The following HYOU1 variants were observed in gnomAD, a reference collection of about 807,000 sequenced individuals.
HYOU1 encodes the protein hypoxia up-regulated 1.
A neutral mutation model predicts 120.5 loss-of-function variants in HYOU1; 40 were observed. The observed-to-expected ratio is 0.33, with a 90% CI of 0.26 to 0.43. HYOU1 has a LOEUF of 0.43. Ranked by LOEUF, HYOU1 falls within the 20% of genes least tolerant of loss-of-function variation. The probability of loss-of-function intolerance (pLI) is 1.00; values close to 1 mark genes in which losing one functional copy is unlikely to be tolerated. For missense variants in HYOU1, 1,085 were observed against 1,278.3 expected (o/e 0.85, Z 2.31); for synonymous variants, 501 against 479.4 (o/e 1.05, Z -0.59).
rs1389906591 is a variant in HYOU1 at position 119,045,927 on chromosome 11, A to T, written c.2888-96T>A. On this transcript the variant is annotated intron_variant, in intron 24 of 25. Transcript: ENST00000617285. Reference sequence around the variant, plus strand: ...TTCCATGAAGAGCCAGCTAGTAAATATTTTAGGATGCATGTACCACATTTG... The same window carrying T: ...TTCCATGAAGAGCCAGCTAGTAAATTTTTTAGGATGCATGTACCACATTTG... 7 of 1,192,488 alleles carry T rather than the reference A, an allele frequency of 5.9e-6. No individual in the cohort carries two copies. In the African/African-American group the frequency reaches 1.1e-4, roughly 18 times the overall value. 73.9% of individuals were successfully genotyped at this position (1,192,488 alleles called of 1,614,324 possible).
Position 119,049,190 on chromosome 11 carries a change from C to A in HYOU1, c.1820G>T (p.Ser607Ile). The A allele has an allele frequency of 6.3e-7, 1 of 1,596,770 alleles. No homozygotes were observed. Among genetic ancestry groups the A allele is most frequent in the South Asian group, 1.1e-5 (1 of 88,954 alleles). ...GTDTVQEEEESPAEGSKDEPG... is the reference protein window; with the variant it reads ...GTDTVQEEEEIPAEGSKDEPG... ...CTCGTCCTTGCTCCCCTCTGCAGGGCTCTCCTCTTCCTCCTGGGAAACACC... is the reference window on the plus strand; with the variant it reads ...CTCGTCCTTGCTCCCCTCTGCAGGGATCTCCTCTTCCTCCTGGGAAACACC... Residue 607 changes from serine (S) to isoleucine (I), a missense_variant, in exon 17 of 26, where the codon AGC (serine) becomes ATC (isoleucine). Ser to Ile is a moderately radical substitution (Grantham distance 142). Around this residue, in one of 4 missense-constraint regions of HYOU1, gnomAD observed 516 missense variants for 517.1 expected, o/e 1.00. Transcript: ENST00000617285.
rs2133595535 is a variant in HYOU1 at position 119,052,769 on chromosome 11, C to T, written c.855G>A (p.Gly285=). Residue 285 remains glycine (G), a synonymous_variant, in exon 9 of 26, where the codon GGG becomes GGA. Transcript: ENST00000617285. This position sits in a 1 kb window ranked among gnomAD's most constrained non-coding sequence, Gnocchi z 5.0. ...GACCCTTGCGCTGCTCATTGAAAAG[C>T]CCAGCCAGGCGTTCTCGAAGCCGGA... The part of the protein sequence containing the change: ...MELRLRERLA[G]LFNEQRKGQR... 3.1e-6 allele frequency: 5 copies of T among 1,614,122 alleles called. No homozygotes were observed. The highest frequency in any genetic ancestry group is 4.2e-6 in the Non-Finnish European group (5 of 1,180,048).
At chr11:119,054,372 G>T in intron 7 of HYOU1, 122 bp downstream of exon 7, 1 of 1,198,852 alleles carries the variant, frequency 8.3e-7, no homozygotes. Flanking sequence ...CTGGGAGGAG[G>T]CTATTGGTGC....
At position 119,049,338 on chromosome 11, in the gene HYOU1, C is replaced by A. The variant is rs2133572160; in HGVS notation, c.1807-135G>T. On this transcript the variant is annotated intron_variant, in intron 16 of 25. Transcript: ENST00000617285. ...GGAAACGGTCAATGGCCTGCTTGGA[C>A]TGTGGCAATCTAGCTGGACAAAGGA... 1.9e-5 allele frequency: 29 copies of A among 1,554,498 alleles called. No homozygotes were observed. The African/African-American group carries it at 2.3e-4, about 12-fold the overall frequency.
chr11:119,045,357 G>A lies in HYOU1; in HGVS notation c.*236C>T, dbSNP rs1367553631. On this transcript the variant is annotated 3_prime_UTR_variant, in exon 26 of 26. Transcript: ENST00000617285. ...CCCAAATTTAGGGCCTATATGGGTA[G>A]GGAACAGGGAGTGGGGCTGGGGAGG... 2 of 671,000 alleles carry A rather than the reference G, an allele frequency of 3.0e-6. No homozygotes were observed. The highest frequency in any genetic ancestry group is 5.5e-6 in the Non-Finnish European group (2 of 366,572). 41.6% of individuals were successfully genotyped at this position (671,000 alleles called of 1,614,324 possible).
At position 119,051,950 on chromosome 11, in the gene HYOU1, C is replaced by T. The variant is rs1944466547; in HGVS notation, c.1207G>A (p.Glu403Lys). The T allele has an allele frequency of 2.5e-6, 4 of 1,614,126 alleles. No individual in the cohort carries two copies. The highest frequency in any genetic ancestry group is 3.4e-6 in the Non-Finnish European group (4 of 1,179,992). Reference protein sequence around the residue: ...QEVLLKAVGKEELGKNINADE... With the variant: ...QEVLLKAVGKKELGKNINADE... The stretch of plus-strand genomic sequence containing the variant: ...GCATTGATGTTCTTCCCCAGCTCCT[C>T]CCTGGGAAAGCCCCAAGCCTCAGCA... The change falls in exon 12 of 26, where the codon GAG becomes AAG. Residue 403 changes from glutamate (E) to lysine (K), a missense_variant and splice_region_variant. Glu to Lys is a moderately conservative substitution (Grantham distance 56, BLOSUM62 1). This residue lies in a region of HYOU1 where 515 missense variants were observed against 677.8 expected (regional missense o/e 0.76). Coordinates refer to ENST00000617285, the MANE Select transcript of HYOU1 (RefSeq NM_006389.5). This position sits in a 1 kb window ranked among gnomAD's most constrained non-coding sequence, Gnocchi z 4.2.
At chr11:119,054,461 C>A in intron 7 of HYOU1, 33 bp downstream of exon 7, 1 of 1,606,120 alleles carries the variant, frequency 6.2e-7, no homozygotes, top group Non-Finnish European at 8.5e-7. Context: ...ATTCAGTCAC[C>A]CTGCATGTCT....
At chr11:119,056,677 G>A in intron 1 of HYOU1, 2 of 297,564 alleles carry the variant, frequency 6.7e-6, no homozygotes, top group Non-Finnish European at 1.3e-5. Flanking sequence ...CATCCCTGCG[G>A]GTTGTCCCGC....
intron 7 of HYOU1, 30 bp downstream of exon 7, chr11:119,054,464 G>C (rs2133605042): frequency 1.1e-5 from 17 of 1,607,384 alleles, no homozygotes; most frequent in African/African-American, 1.3e-5. Flanking sequence ...CAGTCACCCT[G>C]CATGTCTGGT....
Position 119,049,051 on chromosome 11 carries a change from T to C in HYOU1, c.1959A>G (p.Thr653=). The change falls in exon 17 of 26, where the codon ACA becomes ACG. Residue 653 remains threonine (T), a synonymous_variant. Coordinates refer to ENST00000617285, the MANE Select transcript of HYOU1 (RefSeq NM_006389.5). ...CAGACTTGTCCCCATTTTCTTTTTCTGTGGCCTTTTCTCCCTCAGGGGTTG... is the reference window on the plus strand; with the variant it reads ...CAGACTTGTCCCCATTTTCTTTTTCCGTGGCCTTTTCTCCCTCAGGGGTTG... The part of the protein sequence containing the change: ...GDATPEGEKA[T]EKENGDKSEA... 6.2e-7 allele frequency: 1 copy of C among 1,614,226 alleles called. No individual in the cohort carries two copies. Among genetic ancestry groups the C allele is most frequent in the Non-Finnish European group, 8.5e-7 (1 of 1,180,038 alleles).
Position 119,056,073 on chromosome 11 carries a change from T to TC in HYOU1, c.87dup (p.Ser30GlufsTer2), listed in dbSNP as rs1468908124. On this transcript the variant is annotated frameshift_variant, in exon 2 of 26. Transcript: ENST00000617285. LOFTEE classifies it high-confidence loss of function. ...CTCCCTCTACTGGGGTACATACCAC[T>TC]CAGTGCCAACAGGTCTGCCAAGAGC... 6.2e-7 allele frequency: 1 copy of TC among 1,613,420 alleles called. No homozygotes were observed. The highest frequency in any genetic ancestry group is 8.5e-7 in the Non-Finnish European group (1 of 1,179,504).
At chr11:119,054,423 A>G (rs1944631325) in intron 7 of HYOU1, 71 bp downstream of exon 7, 3 of 1,519,290 alleles carry the variant, frequency 2.0e-6, no homozygotes, top group Admixed American at 1.7e-5. Context: ...ACCAGATGCA[A>G]AAGGGACCAA....
At chr11:119,047,061 C>CT (rs1044662743) in intron 22 of HYOU1, 14,765 of 329,800 alleles carry the variant, frequency 0.045, no homozygotes, top group Middle Eastern at 0.065. Context: ...TTGAATAGTC[C>CT]TTTTTTTTTT....
Position 119,048,258 on chromosome 11 carries a change from G to C in HYOU1, c.2366C>G (p.Ala789Gly). 6.2e-7 allele frequency: 1 copy of C among 1,611,082 alleles called. No homozygotes were observed. The highest frequency in any genetic ancestry group is 1.3e-5 in the African/African-American group (1 of 74,992). ...STWLEDEGVG[A>G]TTVMLKEKLA... ...TGAGAGGCCCCTCACCACTGTGGTG[G>C]CTCCAACACCCTCATCCTCCAGCCA... The change falls in exon 20 of 26, where the codon GCC becomes GGC. Residue 789 changes from alanine (A) to glycine (G), a missense_variant. By Grantham distance (60) the Ala-to-Gly change is moderately conservative (BLOSUM62 0). Coordinates refer to ENST00000617285, the MANE Select transcript of HYOU1 (RefSeq NM_006389.5). The surrounding 1 kb of genome is among the most constrained non-coding windows in gnomAD (Gnocchi z 4.7).
Position 119,049,220 on chromosome 11 carries a change from G to T in HYOU1, c.1807-17C>A. ...CTCTTCCTCCTGGGAAACACCACAG[G>T]CGCCCCAGGGAACGATCAGGAGCAG... is the stretch of plus-strand genomic sequence containing the variant. On this transcript the variant is annotated splice_polypyrimidine_tract_variant and intron_variant, in intron 16 of 25. Transcript: ENST00000617285. 3.1e-6 allele frequency: 5 copies of T among 1,588,256 alleles called. No homozygotes were observed. Among genetic ancestry groups the T allele is most frequent in the Non-Finnish European group, 4.3e-6 (5 of 1,168,410 alleles).
chr11:119,055,881 C>A lies in HYOU1; in HGVS notation c.92-38G>T. On this transcript the variant is annotated intron_variant, in intron 2 of 25. Coordinates refer to ENST00000617285, the MANE Select transcript of HYOU1 (RefSeq NM_006389.5). This position sits in a 1 kb window ranked among gnomAD's most constrained non-coding sequence, Gnocchi z 4.0. Reference sequence around the variant, plus strand: ...GAGGTTTGTCAGTTAGCTCTCCCTTCGCCCACCTTCCTGGGACTCCCTCTA... The same window carrying A: ...GAGGTTTGTCAGTTAGCTCTCCCTTAGCCCACCTTCCTGGGACTCCCTCTA... 6.4e-7 allele frequency: 1 copy of A among 1,556,696 alleles called. No individual in the cohort carries two copies. Among genetic ancestry groups the A allele is most frequent in the African/African-American group, 1.4e-5 (1 of 73,832 alleles).
In HYOU1 at chr11:119,048,101, C is replaced by A; in HGVS notation, c.2377-21G>T. ...AACATCTGATGGATGTGCGATTGGGCAGAGGGGTGGAAGGGACGACAGCAG... is the reference window on the plus strand; with the variant it reads ...AACATCTGATGGATGTGCGATTGGGAAGAGGGGTGGAAGGGACGACAGCAG... On this transcript the variant is annotated intron_variant, in intron 20 of 25. Coordinates refer to ENST00000617285, the MANE Select transcript of HYOU1 (RefSeq NM_006389.5). The surrounding 1 kb of genome is among the most constrained non-coding windows in gnomAD (Gnocchi z 4.7). 6.2e-7 allele frequency: 1 copy of A among 1,613,782 alleles called. No homozygotes were observed. Among genetic ancestry groups the A allele is most frequent in the South Asian group, 1.1e-5 (1 of 91,062 alleles).
rs2133613472 is a variant in HYOU1, at chr11:119,055,464, C to A, written c.264+29G>T. 2 of 1,606,022 alleles carry A rather than the reference C, an allele frequency of 1.2e-6. No homozygotes were observed. The highest frequency in any genetic ancestry group is 1.7e-5 in the Admixed American group (1 of 60,010). On this transcript the variant is annotated intron_variant, in intron 4 of 25. Transcript: ENST00000617285. This position sits in a 1 kb window ranked among gnomAD's most constrained non-coding sequence, Gnocchi z 4.0. ...CTGCCATCTCCTCTCCTCTGCCCAC[C>A]ACTCTGGGAAGAGGGACTGCTAGCT...
Position 119,048,555 on chromosome 11 carries a change from T to A in HYOU1, c.2174A>T (p.Asp725Val). Residue 725 changes from aspartate (D) to valine (V), a missense_variant, in exon 19 of 26, where the codon GAC (aspartate) becomes GTC (valine). Physicochemically the swap from Asp to Val is radical, Grantham distance 152. Transcript: ENST00000617285. This position sits in a 1 kb window ranked among gnomAD's most constrained non-coding sequence, Gnocchi z 4.7. ...CTTCTCCAGGTCTCGGAGTGTCAAG[T>A]CCTGAAGTCTATGGGACAAAGGAGG... ...KLAQSVQKLQ[D>V]LTLRDLEKQE... 6.2e-7 allele frequency: 1 copy of A among 1,613,848 alleles called. No homozygotes were observed. The highest frequency in any genetic ancestry group is 8.5e-7 in the Non-Finnish European group (1 of 1,179,918).
Sources: allele counts gnomAD v4.1 joint callset, GRCh38; gene constraint gnomAD v4.1.1; regional missense constraint gnomAD v4.1.1; non-coding constraint Gnocchi (gnomAD v3.1); transcripts MANE v1.5; gene names NCBI Gene and HGNC (gene_info 2026-07-23, HGNC 2026-07-21).